BRWD1: variants seen among roughly 807,000 people sequenced by gnomAD.
BRWD1 encodes bromodomain and WD repeat domain containing 1, also known as bromodomain and WD repeat-containing protein 1.
Under a neutral mutation model 251.2 loss-of-function variants are expected in BRWD1, and 82 were observed. The observed-to-expected ratio is 0.33, with a 90% confidence interval of 0.27 to 0.39. The LOEUF (loss-of-function observed/expected upper bound fraction) is 0.39, where lower values mean the gene tolerates loss of function less well. Ranked by LOEUF, BRWD1 falls within the 10% of genes least tolerant of loss-of-function variation. The probability of loss-of-function intolerance (pLI) is 1.00; values close to 1 mark genes in which losing one functional copy is unlikely to be tolerated. For synonymous variants in BRWD1, 918 were observed against 902.8 expected (o/e 1.02, Z -0.30); for missense variants, 2,233 against 2,711.6 (o/e 0.82, Z 3.92).
chr21:39,211,056 T>A, intron 34 of BRWD1, 127 bp from the exon 35 acceptor site: 2 of 968,720 alleles, frequency 2.1e-6, no homozygotes, highest in South Asian at 1.9e-5. Context: ...CAACACATTT[T>A]TCCAGAAATG....
chr21:39,218,780 A>T, intron 29 of BRWD1, 120 bp from the exon 30 acceptor site: 1 of 766,788 alleles, frequency 1.3e-6, no homozygotes, highest in Non-Finnish European at 1.9e-6. Context: ...TCAAAAATAG[A>T]GTTCAAATGT....
intron 22 of BRWD1, among the ~76,000 whole-genome samples, chr21:39,238,014 C>T (rs778969357): frequency 5.3e-5 from 8 of 151,706 alleles, no homozygotes; most frequent in East Asian, 1.9e-4. Context: ...AGCCATGTTA[C>T]GGATAGGTGG....
At chr21:39,244,741 T>C (rs960496924) in intron 21 of BRWD1, among the ~76,000 whole-genome samples, 4 of 151,942 alleles carry the variant, frequency 2.6e-5, no homozygotes, top group African/African-American at 9.7e-5. Flanking sequence ...TTCAAGGTAC[T>C]TGAGGCGGAG....
chr21:39,262,740 C>T (rs2034796152), intron 17 of BRWD1, among the ~76,000 whole-genome samples: 1 of 151,992 alleles, frequency 6.6e-6, no homozygotes, highest in South Asian at 2.1e-4. Context: ...GTATATAAAA[C>T]CCTCTTAAAG....
chr21:39,320,833 A>C (rs2036739705), intron 1 of BRWD1, among the ~76,000 whole-genome samples: 1 of 151,606 alleles, frequency 6.6e-6, no homozygotes, highest in South Asian at 2.1e-4. Flanking sequence ...ACATCCAGCT[A>C]ATTTTTGTAT....
At chr21:39,312,525 G>C (rs903079002) in intron 4 of BRWD1, 3 of 258,958 alleles carry the variant, frequency 1.2e-5, no homozygotes, top group East Asian at 8.8e-5. Context: ...AAACCGCCCA[G>C]TTGAATGGCT....
intron 18 of BRWD1, among the ~76,000 whole-genome samples, chr21:39,256,556 G>A (rs1286260976): frequency 2.6e-5 from 4 of 152,190 alleles, no homozygotes; most frequent in African/African-American, 7.2e-5. Context: ...AGGGGCTGCT[G>A]TTAAGGTGGG....
chr21:39,200,625 T>A, intron 38 of BRWD1: 1 of 296,166 alleles, frequency 3.4e-6, no homozygotes, highest in Non-Finnish European at 6.2e-6. Flanking sequence ...AAATAACAGA[T>A]TAATCCTAGT....
chr21:39,293,976 A>G lies in BRWD1; in HGVS notation c.666T>C (p.Ser222=). 1 of 1,614,240 alleles carries G rather than the reference A, an allele frequency of 6.2e-7. No individual in the cohort carries two copies. Among genetic ancestry groups the G allele is most frequent in the Non-Finnish European group, 8.5e-7 (1 of 1,180,048 alleles). The change falls in exon 8 of 41, where the codon TCT becomes TCC. Residue 222 remains serine, a synonymous_variant. Transcript: ENST00000342449. ...TTTCTGCAGAATGACCTCTTAATGT[A>G]GATAACAAGCGGCCATTATGTGTTG... is the stretch of plus-strand genomic sequence containing the variant. ...IWSTHNGRLL[S]TLRGHSAEIS...
chr21:39,224,397 A>AAT lies in BRWD1; in HGVS notation c.3382+9_3382+10dup, dbSNP rs2033300979. 1.3e-6 allele frequency: 2 copies of AAT among 1,515,888 alleles called. No homozygotes were observed. Among genetic ancestry groups the AAT allele is most frequent in the Admixed American group, 1.8e-5 (1 of 54,900 alleles). 93.9% of individuals were successfully genotyped at this position (1,515,888 alleles called of 1,614,324 possible). ...AATAAAATGTTTTCATTATTTAACAAATATATATACCATTATCAGGAATTG... is the reference window on the plus strand; with the variant it reads ...AATAAAATGTTTTCATTATTTAACAAATATATATATACCATTATCAGGAATTG... On this transcript the variant is annotated intron_variant, in intron 29 of 40. Transcript: ENST00000342449.
At chr21:39,235,886 C>A in intron 23 of BRWD1, 1 of 169,054 alleles carries the variant, frequency 5.9e-6, no homozygotes, top group South Asian at 1.5e-4. Context: ...TGGCCACATC[C>A]CAAACCACTG....
At position 39,313,579 on chromosome 21, in the gene BRWD1, T is replaced by A. The variant is rs1440779525; in HGVS notation, c.-88A>T. The A allele has an allele frequency of 2.7e-6, 3 of 1,121,544 alleles. No homozygotes were observed. In the African/African-American group the frequency reaches 6.1e-5, roughly 23 times the overall value. The allele number at this position is 1,121,544 out of a possible 1,614,324, so 69.5% of individuals were successfully genotyped here. A position where few individuals can be genotyped will look rare whatever the true frequency, so the allele number is the denominator to read the frequency against. ...GCCTGACCGGGCTGGCGTCCCCTCT[T>A]CTCAGGCGCGCGCCGCCGCCGCCGC... On this transcript the variant is annotated 5_prime_UTR_variant, in exon 1 of 41. Transcript: ENST00000342449.
chr21:39,258,715 AAAC>A (rs1207857243), intron 17 of BRWD1, 43 bp from the exon 18 acceptor site: 2 of 1,366,938 alleles, frequency 1.5e-6, no homozygotes, highest in Non-Finnish European at 1.9e-6. Context: ...TAAAAGCAGA[AAAC>A]AAAAAAAAAT....
chr21:39,305,074 C>T (rs2036243925), intron 4 of BRWD1, among the ~76,000 whole-genome samples: 1 of 151,008 alleles, frequency 6.6e-6, no homozygotes, highest in African/African-American at 2.4e-5. Flanking sequence ...ATTCTCCTGC[C>T]TCAACCTCCC....
Position 39,194,119 on chromosome 21 carries a change from A to T in BRWD1, c.*2140T>A. ...TAACTATTTTGGACTGAAAGAAAAA[A>T]TGGTAATTGGATGGCCAGTCAATGA... On this transcript the variant is annotated 3_prime_UTR_variant, in exon 41 of 41. Coordinates refer to ENST00000342449, the MANE Select transcript of BRWD1 (RefSeq NM_033656.4). 1.0e-6 allele frequency: 1 copy of T among 985,406 alleles called. No individual in the cohort carries two copies. Among genetic ancestry groups the T allele is most frequent in the African/African-American group, 1.7e-5 (1 of 57,336 alleles). 61.0% of individuals were successfully genotyped at this position (985,406 alleles called of 1,614,324 possible).
chr21:39,278,746 C>T lies in BRWD1; in HGVS notation c.1000G>A (p.Val334Ile). The part of the protein sequence containing the change: ...GVQMLCSSFS[V>I]GGMFLATGST... ...AAAAATGTGAAGAAGTTCTTACCAA[C>T]ACTAAAAGAAGAACAAAGCATTTGA... The change falls in exon 10 of 41, where the codon GTT becomes ATT. Residue 334 changes from valine to isoleucine, a missense_variant. Physicochemically the swap from Val to Ile is conservative, Grantham distance 29. Coordinates refer to ENST00000342449, the MANE Select transcript of BRWD1 (RefSeq NM_033656.4). The T allele has an allele frequency of 6.3e-7, 1 of 1,577,762 alleles. No homozygotes were observed. The highest frequency in any genetic ancestry group is 8.6e-7 in the Non-Finnish European group (1 of 1,166,800).
Position 39,232,502 on chromosome 21 carries a change from C to G in BRWD1, c.2767-4G>C. 6.3e-7 allele frequency: 1 copy of G among 1,585,714 alleles called. No individual in the cohort carries two copies. The highest frequency in any genetic ancestry group is 8.5e-7 in the Non-Finnish European group (1 of 1,173,532). On this transcript the variant is annotated splice_polypyrimidine_tract_variant and splice_region_variant and intron_variant, in intron 23 of 40. Transcript: ENST00000342449. The stretch of plus-strand genomic sequence containing the variant: ...CTGGAGTCATCCTCCGCAAATTCTA[C>G]CAAGGGGAAGAGAACAAAGTTTCTT...
Position 39,246,882 on chromosome 21 carries a change from A to G in BRWD1, c.2481+819T>C, listed in dbSNP as rs370257752. Among the ~76,000 whole-genome samples, 87 of 152,288 alleles carry G rather than the reference A, an allele frequency of 5.7e-4. 2 individuals are homozygous for G. Among genetic ancestry groups the G allele is most frequent in the African/African-American group, 2.0e-3 (85 of 41,570 alleles). On this transcript the variant is annotated intron_variant, in intron 21 of 40. Transcript: ENST00000342449. ...TGGATCACAAGGTCAAGAGATCCAG[A>G]CCATCCTAGCCAACATGGTGAAAAC...
intron 1 of BRWD1, among the ~76,000 whole-genome samples, chr21:39,318,845 C>G (rs1158489416): frequency 6.6e-6 from 1 of 152,166 alleles, no homozygotes; most frequent in Non-Finnish European, 1.5e-5. Context: ...GTCTCAAACT[C>G]CTGGCCTCAA....
Sources: gnomAD v4.1 joint callset for allele counts (sites outside exome capture counted in the v4.1 genomes callset) on GRCh38, gnomAD v4.1.1 for gene constraint, MANE v1.5 for transcripts, NCBI Gene and HGNC (gene_info 2026-07-23, HGNC 2026-07-21) for gene names.